The following AGMO variants were observed in gnomAD, a reference collection of about 807,000 sequenced individuals.
AGMO encodes the protein alkylglycerol monooxygenase.
In AGMO, 75 loss-of-function variants were observed where a neutral mutation model predicts 60.2. The observed-to-expected ratio is 1.25, with a 90% CI of 1.03 to 1.51. The LOEUF (loss-of-function observed/expected upper bound fraction) is 1.51. Among genes scored for constraint, AGMO ranks in the 40% most tolerant of loss-of-function variants. The probability of loss-of-function intolerance (pLI) is 0.00; values close to 1 mark genes in which losing one functional copy is unlikely to be tolerated. For synonymous variants in AGMO, 261 were observed against 177.1 expected, an observed-to-expected ratio of 1.47 and a Z score of -3.76; for missense variants, 763 against 525.5, an observed-to-expected ratio of 1.45 and a Z score of -4.42.
intron 2 of AGMO, among the ~76,000 whole-genome samples, chr7:15,549,300 A>G (rs1314584111): frequency 3.3e-5 from 5 of 150,670 alleles, no homozygotes; most frequent in Admixed American, 3.3e-4. Flanking sequence ...TGACAGGATC[A>G]AATTCACACA....
chr7:15,355,580 A>G (rs923561483), intron 12 of AGMO, among the ~76,000 whole-genome samples: 1 of 151,914 alleles, frequency 6.6e-6, no homozygotes, highest in African/African-American at 2.4e-5. Context: ...ATTTTTGCAT[A>G]ATTATAGCCT....
intron 3 of AGMO, among the ~76,000 whole-genome samples, chr7:15,511,821 G>A (rs2128530594): frequency 6.6e-6 from 1 of 152,066 alleles, no homozygotes; most frequent in African/African-American, 2.4e-5. Flanking sequence ...CAAAAAAGAG[G>A]AAATTTGGAC....
At chr7:15,446,139 A>G (rs2128503801) in intron 3 of AGMO, among the ~76,000 whole-genome samples, 1 of 152,330 alleles carries the variant, frequency 6.6e-6, no homozygotes, top group East Asian at 1.9e-4. Flanking sequence ...GTCAAAGCCT[A>G]AGGCCCATGT....
rs780102634 is a variant in AGMO at position 15,366,204 on chromosome 7, G to A, written c.1093C>T (p.Leu365Phe). Reference protein sequence around the residue: ...ADTAALSQVTLLLRVCFIILT... With the variant: ...ADTAALSQVTFLLRVCFIILT... ...ATAATGAAGCAAACCCTCAGAAGGAGAGTAACTTGCGACAGTGCCTGTCAA... is the reference window on the plus strand; with the variant it reads ...ATAATGAAGCAAACCCTCAGAAGGAAAGTAACTTGCGACAGTGCCTGTCAA... The change falls in exon 11 of 13, where the codon CTC becomes TTC. Residue 365 changes from leucine (L) to phenylalanine (F), a missense_variant. Physicochemically the swap from Leu to Phe is conservative, Grantham distance 22. Transcript: ENST00000342526. The A allele has an allele frequency of 6.8e-6, 11 of 1,606,856 alleles. No individual in the cohort carries two copies. In the South Asian group the frequency reaches 8.9e-5, roughly 13 times the overall value.
Position 15,247,459 on chromosome 7 carries a change from CAG to C in AGMO, c.1264-46102_1264-46101del, listed in dbSNP as rs35939832. 1.1e-3 allele frequency among the ~76,000 whole-genome samples: 123 copies of C among 115,268 alleles called. 1 individual carries two copies. Among genetic ancestry groups the C allele is most frequent in the African/African-American group, 2.7e-3 (77 of 28,334 alleles). 75.6% of individuals were successfully genotyped at this position (115,268 alleles called of 152,430 possible). On this transcript the variant is annotated intron_variant, in intron 12 of 12. Transcript: ENST00000342526. ...ACACACACACACACACACACACACACAGAGAGAGAGAGAGAGAGAGGGAGAGA... is the reference window on the plus strand; with the variant it reads ...ACACACACACACACACACACACACACAGAGAGAGAGAGAGAGAGGGAGAGA...
At chr7:15,315,371 C>T (rs1780892953) in intron 12 of AGMO, among the ~76,000 whole-genome samples, 1 of 116,472 alleles carries the variant, frequency 8.6e-6, no homozygotes, top group African/African-American at 3.3e-5. Flanking sequence ...CAGAGTCTCA[C>T]CCTGTTGCCA....
At chr7:15,443,857 ACT>A (rs1394473038) in intron 3 of AGMO, among the ~76,000 whole-genome samples, 3 of 152,200 alleles carry the variant, frequency 2.0e-5, no homozygotes, top group Admixed American at 6.5e-5. Context: ...CTTTTTGAAC[ACT>A]CTCAGCATTT....
intron 3 of AGMO, among the ~76,000 whole-genome samples, chr7:15,529,744 A>ACTC (rs1784252059): frequency 1.8e-5 from 2 of 113,546 alleles, no homozygotes; most frequent in African/African-American, 6.9e-5. Context: ...TATTCTATAT[A>ACTC]TATATTTCTA....
At chr7:15,343,841 G>A (rs546034462) in intron 12 of AGMO, among the ~76,000 whole-genome samples, 82 of 152,156 alleles carry the variant, frequency 5.4e-4, no homozygotes, top group African/African-American at 1.6e-3. Context: ...TTGAAATAAC[G>A]GACAAAACTT....
At chr7:15,390,777 A>G in intron 7 of AGMO, 27 bp from the exon 8 acceptor site, 1 of 1,597,446 alleles carries the variant, frequency 6.3e-7, no homozygotes, top group Non-Finnish European at 8.6e-7. Flanking sequence ...AAGATATGAG[A>G]TTTGGCTTCC....
chr7:15,256,319 T>TG (rs1783095812), intron 12 of AGMO, among the ~76,000 whole-genome samples: 1 of 152,178 alleles, frequency 6.6e-6, no homozygotes, highest in Admixed American at 6.5e-5. Context: ...TCCAATAAAT[T>TG]GTAACAGAGC....
At chr7:15,216,977 C>T (rs1030786224) in intron 12 of AGMO, among the ~76,000 whole-genome samples, 1 of 152,008 alleles carries the variant, frequency 6.6e-6, no homozygotes, top group Admixed American at 6.6e-5. Context: ...TCCTAATTCA[C>T]AGACACAAAA....
chr7:15,126,242 A>G, the AGMO span, among the ~76,000 whole-genome samples: 5 of 152,134 alleles, frequency 3.3e-5, no homozygotes, highest in African/African-American at 7.2e-5. Flanking sequence ...TTTTTATATA[A>G]AGCCAATGCT....
At chr7:15,304,863 T>C (rs891024737) in intron 12 of AGMO, among the ~76,000 whole-genome samples, 1 of 152,024 alleles carries the variant, frequency 6.6e-6, no homozygotes, top group Non-Finnish European at 1.5e-5. Flanking sequence ...TTCTTTCAGT[T>C]ACACACAATG....
intron 12 of AGMO, among the ~76,000 whole-genome samples, chr7:15,305,788 G>T (rs1780597242): frequency 6.6e-6 from 1 of 151,926 alleles, no homozygotes; most frequent in Non-Finnish European, 1.5e-5. Flanking sequence ...AAATCATACG[G>T]AAGATTCTGT....
rs1554266099 is a variant in AGMO at position 15,392,827 on chromosome 7, C to A, written c.676+1286G>T. Among the ~76,000 whole-genome samples the A allele has an allele frequency of 3.2e-5, 3 of 94,338 alleles. No individual in the cohort carries two copies. The South Asian group carries it at 1.1e-3, about 35-fold the overall frequency. 61.9% of individuals were successfully genotyped at this position (94,338 alleles called of 152,430 possible). On this transcript the variant is annotated intron_variant, in intron 6 of 12. Transcript: ENST00000342526. ...ACAAACAAACAAACAAACAAACAAA[C>A]AAACAACTTTAAATACACCTTATCT...
chr7:15,473,482 C>T lies in AGMO; in HGVS notation c.410-42374G>A, dbSNP rs1412887882. 3.3e-5 allele frequency among the ~76,000 whole-genome samples: 5 copies of T among 151,484 alleles called. No homozygotes were observed. The East Asian group carries it at 9.7e-4, about 29-fold the overall frequency. Reference sequence around the variant, plus strand: ...TCAGGCCAATATCCCTGCTGAACATCAATGTGAATATCCTCAATAAAATTC... The same window carrying T: ...TCAGGCCAATATCCCTGCTGAACATTAATGTGAATATCCTCAATAAAATTC... On this transcript the variant is annotated intron_variant, in intron 3 of 12. Transcript: ENST00000342526.
intron 12 of AGMO, among the ~76,000 whole-genome samples, chr7:15,257,700 G>T (rs1013747724): frequency 1.3e-5 from 2 of 152,206 alleles, no homozygotes; most frequent in Admixed American, 1.3e-4. Flanking sequence ...AACACTATCT[G>T]TTTAGGAAGT....
Position 15,204,719 on chromosome 7 carries a change from A to G in AGMO, c.1264-3360T>C, listed in dbSNP as rs564264668. Among the ~76,000 whole-genome samples the G allele has an allele frequency of 3.9e-5, 6 of 152,308 alleles. No individual in the cohort carries two copies. The East Asian group carries it at 1.2e-3, about 29-fold the overall frequency. On this transcript the variant is annotated intron_variant, in intron 12 of 12. Coordinates refer to ENST00000342526, the MANE Select transcript of AGMO (RefSeq NM_001004320.2). Reference sequence around the variant, plus strand: ...TGATGCCTGAACTTTTGGCCTGTACAGATGCTGTCATGTTTCCACCATGCC... The same window carrying G: ...TGATGCCTGAACTTTTGGCCTGTACGGATGCTGTCATGTTTCCACCATGCC...
Sources: gnomAD v4.1 joint callset for allele counts (sites outside exome capture counted in the v4.1 genomes callset) on GRCh38, gnomAD v4.1.1 for gene constraint, MANE v1.5 for transcripts, NCBI Gene and HGNC (gene_info 2026-07-23, HGNC 2026-07-21) for gene names.